Variants in SMARCA2 observed in about 807,000 individuals in gnomAD.
SMARCA2 encodes the protein SWI/SNF-related matrix-associated actin-dependent regulator of chromatin subfamily A member 2.
In SMARCA2, 61 loss-of-function variants were observed where a neutral mutation model predicts 199.8. That is an observed-to-expected ratio of 0.31 (90% CI 0.25 to 0.38). The LOEUF (loss-of-function observed/expected upper bound fraction) is 0.38, where lower values mean the gene tolerates loss of function less well. Ranked by LOEUF, SMARCA2 falls within the 10% of genes least tolerant of loss-of-function variation. The probability of loss-of-function intolerance (pLI) is 1.00; values close to 1 mark genes in which losing one functional copy is unlikely to be tolerated. For missense variants in SMARCA2, 1,344 were observed against 2,012.2 expected (o/e 0.67, Z 6.35); for synonymous variants, 935 against 732.0 (o/e 1.28, Z -4.48).
intron 27 of SMARCA2, chr9:2,158,215 C>T (rs556370521): frequency 4.9e-6 from 1 of 203,634 alleles, no homozygotes; most frequent in Admixed American, 6.1e-5. Context: ...AGGAGTAATT[C>T]CCAGCTTCAT....
chr9:2,016,830 C>T lies in SMARCA2; in HGVS notation c.-37+1426C>T, dbSNP rs909168367. ...CCTTTGCTCTCCCCCTCCACCCGGCCGTCTTCCCTTCCTCCCGTTTGCGTT... is the reference window on the plus strand; with the variant it reads ...CCTTTGCTCTCCCCCTCCACCCGGCTGTCTTCCCTTCCTCCCGTTTGCGTT... On this transcript the variant is annotated intron_variant, in intron 1 of 33. Coordinates refer to ENST00000349721, the MANE Select transcript of SMARCA2 (RefSeq NM_003070.5). This position sits in a 1 kb window ranked among gnomAD's most constrained non-coding sequence, Gnocchi z 5.6. 3.9e-5 allele frequency among the ~76,000 whole-genome samples: 6 copies of T among 152,232 alleles called. No homozygotes were observed. Among genetic ancestry groups the T allele is most frequent in the Non-Finnish European group, 7.4e-5 (5 of 68,026 alleles).
rs189788409 is a variant in SMARCA2 at position 2,072,806 on chromosome 9, A to G, written c.1747-406A>G. 4.1e-3 allele frequency among the ~76,000 whole-genome samples: 631 copies of G among 152,358 alleles called. 4 individuals carry two copies. The highest frequency in any genetic ancestry group is 6.0e-3 in the Non-Finnish European group (407 of 68,034). On this transcript the variant is annotated intron_variant, in intron 10 of 33. Transcript: ENST00000349721. Reference sequence around the variant, plus strand: ...AGGGCTATCCCCAATATTATGCTCTACAACTGGTCTAGTGAGGACAGGCTG... The same window carrying G: ...AGGGCTATCCCCAATATTATGCTCTGCAACTGGTCTAGTGAGGACAGGCTG...
Position 2,178,657 on chromosome 9 carries a change from TAGAG to T in SMARCA2, c.4254-2912_4254-2909del, listed in dbSNP as rs543176410. Among the ~76,000 whole-genome samples, 72 of 152,182 alleles carry T rather than the reference TAGAG, an allele frequency of 4.7e-4. 1 individual carries two copies. The East Asian group carries it at 0.013, about 28-fold the overall frequency. On this transcript the variant is annotated intron_variant, in intron 29 of 33. Coordinates refer to ENST00000349721, the MANE Select transcript of SMARCA2 (RefSeq NM_003070.5). ...AAAAAAGCCCTCGCTCAGCTCAAATTAGAGAAAGAAATGACAAGAATTCAGAACT... is the reference window on the plus strand; with the variant it reads ...AAAAAAGCCCTCGCTCAGCTCAAATTAAAGAAATGACAAGAATTCAGAACT...
At chr9:2,058,589 TC>T in intron 8 of SMARCA2, 125 bp downstream of exon 8, 1 of 794,884 alleles carries the variant, frequency 1.3e-6, no homozygotes, top group South Asian at 1.8e-5. Context: ...TTAGTAAATT[TC>T]TTTGAACCTT....
At chr9:2,103,941 T>C (rs1822643247) in intron 22 of SMARCA2, 62 bp from the exon 23 acceptor site, 1 of 1,484,500 alleles carries the variant, frequency 6.7e-7, no homozygotes, top group Non-Finnish European at 9.3e-7. Flanking sequence ...AAAGCAATGC[T>C]GGATTTTTTA....
Position 2,119,635 on chromosome 9 carries a change from A to T in SMARCA2, c.3762+100A>T. 1 of 774,624 alleles carries T rather than the reference A, an allele frequency of 1.3e-6. No homozygotes were observed. 48.0% of individuals were successfully genotyped at this position (774,624 alleles called of 1,614,324 possible). On this transcript the variant is annotated intron_variant, in intron 26 of 33. Transcript: ENST00000349721. This position sits in a 1 kb window ranked among gnomAD's most constrained non-coding sequence, Gnocchi z 4.6. Reference sequence around the variant, plus strand: ...GCCTGCGTGCCTGGCAGAACTTCATACGTAAAGCCTATGCCTTTCCTTCAG... The same window carrying T: ...GCCTGCGTGCCTGGCAGAACTTCATTCGTAAAGCCTATGCCTTTCCTTCAG...
In SMARCA2 at chr9:2,161,257, A is replaced by G. The variant is rs72691204; in HGVS notation, c.3982-429A>G. On this transcript the variant is annotated intron_variant, in intron 27 of 33. Transcript: ENST00000349721. This position sits in a 1 kb window ranked among gnomAD's most constrained non-coding sequence, Gnocchi z 4.7. Reference sequence around the variant, plus strand: ...GGTCAAAGCTTATATGATCGTGTGGATGTATTCTTAGGGATTGTTTTTTCA... The same window carrying G: ...GGTCAAAGCTTATATGATCGTGTGGGTGTATTCTTAGGGATTGTTTTTTCA... Among the ~76,000 whole-genome samples the G allele has an allele frequency of 1.8e-3, 273 of 152,240 alleles. 1 individual carries two copies. Among genetic ancestry groups the G allele is most frequent in the Middle Eastern group, 3.4e-3 (1 of 292 alleles).
At chr9:2,178,637 AG>A (rs1826792559) in intron 29 of SMARCA2, among the ~76,000 whole-genome samples, 1 of 152,110 alleles carries the variant, frequency 6.6e-6, no homozygotes, top group Non-Finnish European at 1.5e-5. Flanking sequence ...ATTAAAAAAA[AG>A]CCCTCGCTCA....
chr9:2,069,502 T>C (rs1469871677), intron 9 of SMARCA2, among the ~76,000 whole-genome samples: 1 of 148,340 alleles, frequency 6.7e-6, no homozygotes, highest in Non-Finnish European at 1.5e-5. Flanking sequence ...GAGCTTGCAG[T>C]GAGCCGAGAT....
intron 10 of SMARCA2, 75 bp downstream of exon 10, chr9:2,070,546 T>C: frequency 9.6e-7 from 1 of 1,037,842 alleles, no homozygotes; most frequent in Non-Finnish European, 1.5e-6. Flanking sequence ...CCATTCTTCA[T>C]GCATACTATT....
At chr9:2,155,577 G>A (rs1275211887) in intron 27 of SMARCA2, among the ~76,000 whole-genome samples, 1 of 152,062 alleles carries the variant, frequency 6.6e-6, no homozygotes, top group Non-Finnish European at 1.5e-5. Context: ...CACTGCGCGG[G>A]GGCATTTTCG....
At chr9:2,024,212 C>G (rs371974360) in intron 1 of SMARCA2, among the ~76,000 whole-genome samples, 1 of 152,070 alleles carries the variant, frequency 6.6e-6, no homozygotes, top group Admixed American at 6.6e-5. Context: ...TTTTTTTAAA[C>G]TTGAAGGCCT....
chr9:2,134,868 C>G (rs748478118), intron 27 of SMARCA2, among the ~76,000 whole-genome samples: 58 of 152,280 alleles, frequency 3.8e-4, no homozygotes, highest in Non-Finnish European at 4.7e-4. Context: ...TAAGAGGGCT[C>G]TCACAGAATC....
chr9:2,192,652 T>TTTTTCTTGCATGTGATGTTAC lies in SMARCA2; in HGVS notation c.4738-49_4738-29dup. ...CTTGATGGTTTGTTGTTATATCTTCTTTTTCTTGCATGTGATGTTACTTCA... is the reference window on the plus strand; with the variant it reads ...CTTGATGGTTTGTTGTTATATCTTCTTTTTCTTGCATGTGATGTTACTTTTCTTGCATGTGATGTTACTTCA... On this transcript the variant is annotated intron_variant, in intron 33 of 33. Transcript: ENST00000349721. The TTTTTCTTGCATGTGATGTTAC allele has an allele frequency of 3.1e-6, 4 of 1,283,766 alleles. No homozygotes were observed. The South Asian group carries it at 4.7e-5, about 15-fold the overall frequency. 79.5% of individuals were successfully genotyped at this position (1,283,766 alleles called of 1,614,324 possible).
intron 5 of SMARCA2, 105 bp downstream of exon 5, chr9:2,047,589 T>C (rs1819926206): frequency 8.5e-7 from 1 of 1,175,316 alleles, no homozygotes; most frequent in Non-Finnish European, 1.1e-6. Flanking sequence ...AACTGTGATT[T>C]TCACCCGTGC....
chr9:2,189,418 G>C (rs570760738), intron 32 of SMARCA2, among the ~76,000 whole-genome samples: 2 of 151,972 alleles, frequency 1.3e-5, no homozygotes, highest in African/African-American at 4.8e-5. Flanking sequence ...CGCTCTCAAG[G>C]ATACATTTTC....
In SMARCA2 at chr9:2,115,893, C is replaced by A. The variant is rs753217386; in HGVS notation, c.3528C>A (p.Thr1176=). The A allele has an allele frequency of 6.2e-7, 1 of 1,614,028 alleles. No homozygotes were observed. Among genetic ancestry groups the A allele is most frequent in the South Asian group, 1.1e-5 (1 of 91,068 alleles). Residue 1176 remains threonine, a synonymous_variant, in exon 25 of 34, where the codon ACC becomes ACA. Transcript: ENST00000349721. The surrounding 1 kb of genome is among the most constrained non-coding windows in gnomAD (Gnocchi z 6.0). ...AGGTCCGGGTACTGAGGCTCTGTAC[C>A]GTGAACAGCGTGGAGGAAAAGATCC... is the stretch of plus-strand genomic sequence containing the variant. ...QNEVRVLRLC[T]VNSVEEKILA...
chr9:2,097,118 A>G, intron 20 of SMARCA2: 2 of 491,128 alleles, frequency 4.1e-6, no homozygotes, highest in Non-Finnish European at 7.2e-6. Flanking sequence ...CCTACGGAAT[A>G]GACAGTCATG....
intron 29 of SMARCA2, among the ~76,000 whole-genome samples, chr9:2,171,560 T>A (rs150059325): frequency 3.3e-5 from 5 of 152,372 alleles, no homozygotes; most frequent in African/African-American, 1.2e-4. Flanking sequence ...TGACTAATCC[T>A]GGAAACCAGG....
Sources: allele counts gnomAD v4.1 joint callset (sites outside exome capture counted in the v4.1 genomes callset), GRCh38; gene constraint gnomAD v4.1.1; non-coding constraint Gnocchi (gnomAD v3.1); transcripts MANE v1.5; gene names NCBI Gene and HGNC (gene_info 2026-07-23, HGNC 2026-07-21).